NTAN1: variants seen among roughly 807,000 people sequenced by gnomAD.
The protein encoded by NTAN1 is N-terminal asparagine amidase, also known as protein N-terminal asparagine amidohydrolase.
In NTAN1, 32 loss-of-function variants were observed where a neutral mutation model predicts 41.9. That is an observed-to-expected ratio of 0.76 (90% CI 0.58 to 1.03). The LOEUF (loss-of-function observed/expected upper bound fraction) is 1.03, where lower values mean the gene tolerates loss of function less well. Among genes scored for constraint, NTAN1 ranks in the 50% least tolerant of loss-of-function variants. The probability of loss-of-function intolerance (pLI) is 0.00; values close to 1 mark genes in which losing one functional copy is unlikely to be tolerated. For synonymous variants in NTAN1, 140 were observed against 139.5 expected (o/e 1.00, Z -0.03); for missense variants, 377 against 377.5 (o/e 1.00, Z 0.01).
At position 15,037,980 on chromosome 16, in the gene NTAN1, A is replaced by C. The variant is rs757777333; in HGVS notation, c.*51T>G. On this transcript the variant is annotated 3_prime_UTR_variant, in exon 10 of 10. Transcript: ENST00000287706. ...CCAGATCTGGATTCGTGCCAGCCCCACCAATGGTCTGTCAGGCCAAGAAGG... is the reference window on the plus strand; with the variant it reads ...CCAGATCTGGATTCGTGCCAGCCCCCCCAATGGTCTGTCAGGCCAAGAAGG... 2.1e-6 allele frequency: 3 copies of C among 1,424,206 alleles called. No individual in the cohort carries two copies. The highest frequency in any genetic ancestry group is 2.9e-6 in the Non-Finnish European group (3 of 1,020,366). The allele number at this position is 1,424,206 out of a possible 1,614,324, so 88.2% of individuals were successfully genotyped here. A position where few individuals can be genotyped will look rare whatever the true frequency, so the allele number is the denominator to read the frequency against.
At chr16:15,041,705 CAGA>C in intron 5 of NTAN1, 29 bp from the exon 6 acceptor site, 2 of 1,551,904 alleles carry the variant, frequency 1.3e-6, no homozygotes, top group Non-Finnish European at 1.8e-6. Flanking sequence ...GACCAGAAGT[CAGA>C]AAAGTTCCTC....
rs747411444 is a variant in NTAN1, at chr16:15,040,071, G to C, written c.542-5C>G. 3 of 1,541,588 alleles carry C rather than the reference G, an allele frequency of 1.9e-6. No homozygotes were observed. In the Admixed American group the frequency reaches 5.1e-5, roughly 26 times the overall value. On this transcript the variant is annotated splice_polypyrimidine_tract_variant and splice_region_variant and intron_variant, in intron 7 of 9. Coordinates refer to ENST00000287706, the MANE Select transcript of NTAN1 (RefSeq NM_173474.4). ...CTGCAGTCTTAATGTTGACAGCTGTGAGGGACAACAGGATGACTCTGAATT... is the reference window on the plus strand; with the variant it reads ...CTGCAGTCTTAATGTTGACAGCTGTCAGGGACAACAGGATGACTCTGAATT...
chr16:15,038,396 T>A (rs532258601), intron 9 of NTAN1, 178 bp downstream of exon 9: 4 of 625,924 alleles, frequency 6.4e-6, no homozygotes, highest in Non-Finnish European at 1.1e-5. Context: ...CATTTCCATC[T>A]AGGACTTGAC....
intron 4 of NTAN1, among the ~76,000 whole-genome samples, chr16:15,046,580 T>C (rs1041800082): frequency 1.7e-4 from 25 of 151,016 alleles, no homozygotes; most frequent in African/African-American, 6.1e-4. Flanking sequence ...TATCCAGCAA[T>C]CCTTGGGGAA....
At chr16:15,047,659 G>C in intron 3 of NTAN1, 109 bp from the exon 4 acceptor site, 1 of 951,328 alleles carries the variant, frequency 1.1e-6, no homozygotes, top group Non-Finnish European at 1.7e-6. Context: ...ATATCCTGTA[G>C]GGGAAAAACG....
intron 8 of NTAN1, among the ~76,000 whole-genome samples, chr16:15,039,362 C>A (rs563222023): frequency 6.6e-6 from 1 of 152,274 alleles, no homozygotes; most frequent in East Asian, 1.9e-4. Context: ...GAGAAGATTT[C>A]TTTGGGGTGG....
intron 1 of NTAN1, 93 bp downstream of exon 1, chr16:15,055,798 A>C (rs2044487366): frequency 3.0e-6 from 2 of 669,238 alleles, no homozygotes; most frequent in African/African-American, 1.9e-5. Flanking sequence ...AACAGCGCCA[A>C]GTTTCAAGTC....
chr16:15,042,828 A>G (rs4985150), intron 5 of NTAN1, among the ~76,000 whole-genome samples: 45,446 of 150,698 alleles, frequency 0.3, 7,319 homozygotes, highest in Admixed American at 0.44. Flanking sequence ...CACCTCCTAG[A>G]TTCAAGCGAT....
intron 5 of NTAN1, among the ~76,000 whole-genome samples, chr16:15,042,675 A>C (rs1303714678): frequency 6.6e-6 from 1 of 152,122 alleles, no homozygotes; most frequent in Non-Finnish European, 1.5e-5. Flanking sequence ...TTATTTTCTT[A>C]GCATATATTT....
At chr16:15,052,802 GTGAC>G (rs1567773660) in intron 1 of NTAN1, among the ~76,000 whole-genome samples, 1 of 151,986 alleles carries the variant, frequency 6.6e-6, no homozygotes, top group Non-Finnish European at 1.5e-5. Context: ...TCCAGCCTGG[GTGAC>G]AGAGCAAGGC....
chr16:15,041,374 G>T (rs1356524770), intron 6 of NTAN1, among the ~76,000 whole-genome samples: 1 of 152,084 alleles, frequency 6.6e-6, no homozygotes, highest in Non-Finnish European at 1.5e-5. Context: ...TGCCACACGG[G>T]TGGCAGCTCC....
chr16:15,042,175 A>G (rs1367780047), intron 5 of NTAN1, among the ~76,000 whole-genome samples: 1 of 149,204 alleles, frequency 6.7e-6, no homozygotes, highest in Non-Finnish European at 1.5e-5. Flanking sequence ...CTATAAAGAC[A>G]ATTTTATATC....
chr16:15,046,903 C>T (rs1451332663), intron 4 of NTAN1, among the ~76,000 whole-genome samples: 2 of 151,956 alleles, frequency 1.3e-5, no homozygotes, highest in African/African-American at 2.4e-5. Context: ...AGAAAAAAAA[C>T]TACATGCCTC....
chr16:15,047,758 T>G, intron 3 of NTAN1, 97 bp downstream of exon 3: 1 of 1,115,884 alleles, frequency 9.0e-7, no homozygotes, highest in South Asian at 1.2e-5. Context: ...CGGAGTCCGC[T>G]TCCAACAAGA....
chr16:15,055,924 G>C lies in NTAN1; in HGVS notation c.48C>G (p.Ala16=). 6.5e-6 allele frequency: 8 copies of C among 1,232,484 alleles called. No individual in the cohort carries two copies. The highest frequency in any genetic ancestry group is 8.1e-6 in the Non-Finnish European group (8 of 987,430). The allele number at this position is 1,232,484 out of a possible 1,614,324, so 76.3% of individuals were successfully genotyped here. A position where few individuals can be genotyped will look rare whatever the true frequency, so the allele number is the denominator to read the frequency against. Residue 16 remains alanine, a synonymous_variant, in exon 1 of 10, where the codon GCC becomes GCG. Transcript: ENST00000287706. ...EGRRVRLPQS[A]GDLVRAHPPL... ...GCGGGTGGGCTCGGACGAGGTCCCC[G>C]GCTGACTGCGGCAGCCGCACTCGCC...
intron 3 of NTAN1, 118 bp from the exon 4 acceptor site, chr16:15,047,668 C>T (rs550148632): frequency 2.2e-5 from 21 of 937,232 alleles, no homozygotes; most frequent in Middle Eastern, 2.1e-4. Flanking sequence ...AGGGGAAAAA[C>T]GGACAGGTCT....
chr16:15,039,038 G>A (rs754832548), intron 8 of NTAN1, among the ~76,000 whole-genome samples: 28 of 152,178 alleles, frequency 1.8e-4, no homozygotes, highest in Non-Finnish European at 3.1e-4. Context: ...TCTGACTAAA[G>A]TCTGTGTTCC....
chr16:15,051,009 A>C (rs2044271118), intron 1 of NTAN1, among the ~76,000 whole-genome samples: 1 of 152,254 alleles, frequency 6.6e-6, no homozygotes, highest in African/African-American at 2.4e-5. Context: ...TACAGGTGAC[A>C]GCCTCTCATT....
intron 1 of NTAN1, among the ~76,000 whole-genome samples, chr16:15,048,967 C>T (rs1315960097): frequency 2.0e-5 from 3 of 149,248 alleles, no homozygotes; most frequent in East Asian, 4.0e-4. Context: ...CTATGCTGCC[C>T]AGGCTGGTCT....
Sources: gnomAD v4.1 joint callset for allele counts (sites outside exome capture counted in the v4.1 genomes callset) on GRCh38, gnomAD v4.1.1 for gene constraint, MANE v1.5 for transcripts, NCBI Gene and HGNC (gene_info 2026-07-23, HGNC 2026-07-21) for gene names.